The following PCDHGA6 variants were observed in gnomAD, a reference collection of about 807,000 sequenced individuals.
PCDHGA6 encodes the protein protocadherin gamma-A6.
Under a neutral mutation model 60.6 loss-of-function variants are expected in PCDHGA6, and 41 were observed. The observed-to-expected ratio is 0.68, with a 90% CI of 0.53 to 0.88. The LOEUF (loss-of-function observed/expected upper bound fraction) is 0.88, where lower values mean the gene tolerates loss of function less well. PCDHGA6 is among the 40% of genes least tolerant of loss of function. The pLI, the probability that PCDHGA6 is intolerant of heterozygous loss-of-function variation, is 0.00. For missense variants in PCDHGA6, 1,312 were observed against 1,203.0 expected, an observed-to-expected ratio of 1.09 and a Z score of -1.34; for synonymous variants, 594 against 524.4, an observed-to-expected ratio of 1.13 and a Z score of -1.81.
At position 141,418,250 on chromosome 5, in the gene PCDHGA6, C is replaced by T. The variant is rs375149538; in HGVS notation, c.2424+41743C>T. ...GATTGAGGATGTTAATGACCACGCC[C>T]CTCAATTCCGGAAAGATGAAATAAA... On this transcript the variant is annotated intron_variant, in intron 1 of 3. Transcript: ENST00000517434. The T allele has an allele frequency of 2.5e-5, 40 of 1,613,876 alleles. No individual in the cohort carries two copies. The African/African-American group carries it at 3.6e-4, about 15-fold the overall frequency.
chr5:141,418,589 C>T (rs184213052), intron 1 of PCDHGA6: 13 of 1,613,896 alleles, frequency 8.1e-6, no homozygotes, highest in African/African-American at 6.7e-5. Flanking sequence ...AGTGTTCAGC[C>T]AGGACGTGTA....
At chr5:141,381,029 T>C (rs976718384) in intron 1 of PCDHGA6, among the ~76,000 whole-genome samples, 4 of 152,266 alleles carry the variant, frequency 2.6e-5, no homozygotes, top group Admixed American at 6.5e-5. Context: ...TTAGTTCCTT[T>C]AAACAAAATT....
intron 1 of PCDHGA6, chr5:141,430,840 A>G: frequency 6.4e-7 from 1 of 1,565,876 alleles, no homozygotes; most frequent in East Asian, 2.2e-5. Flanking sequence ...GGGAGACCGG[A>G]TGCACCCAGA....
Position 141,476,512 on chromosome 5 carries a change from T to C in PCDHGA6, c.2425-18295T>C, listed in dbSNP as rs1171240377. ...TGATCCAGGACATCAACGACAACAA[T>C]CCTGCTTTCCCTACCCAGGAAATGA... On this transcript the variant is annotated intron_variant, in intron 1 of 3. Transcript: ENST00000517434. This position sits in a 1 kb window ranked among gnomAD's most constrained non-coding sequence, Gnocchi z 7.6. The C allele has an allele frequency of 6.2e-7, 1 of 1,613,642 alleles. No homozygotes were observed. Among genetic ancestry groups the C allele is most frequent in the Non-Finnish European group, 8.5e-7 (1 of 1,179,940 alleles).
intron 1 of PCDHGA6, chr5:141,418,103 G>A: frequency 1.2e-6 from 2 of 1,614,076 alleles, no homozygotes; most frequent in African/African-American, 1.3e-5. Flanking sequence ...CGCGCAGAGC[G>A]GGGACTTACT....
At chr5:141,484,399 CCGCTGTGTCT>C (rs1488164183) in intron 1 of PCDHGA6, among the ~76,000 whole-genome samples, 4 of 152,186 alleles carry the variant, frequency 2.6e-5, no homozygotes, top group Non-Finnish European at 4.4e-5. Context: ...GGTTTGGTTT[CCGCTGTGTCT>C]CCTGTTACAA....
intron 1 of PCDHGA6, among the ~76,000 whole-genome samples, chr5:141,448,086 TAA>T (rs558292628): frequency 6.8e-6 from 1 of 146,354 alleles, no homozygotes; most frequent in Middle Eastern, 3.2e-3. Flanking sequence ...AATGCCATCT[TAA>T]AAAAAAAAAA....
chr5:141,394,208 C>A (rs972602841), intron 1 of PCDHGA6: 6 of 1,613,930 alleles, frequency 3.7e-6, no homozygotes, highest in Non-Finnish European at 5.1e-6. Context: ...TAGAGAACAA[C>A]CTGAGAGGAG....
intron 1 of PCDHGA6, chr5:141,383,530 G>A: frequency 6.2e-7 from 1 of 1,612,674 alleles, no homozygotes; most frequent in Non-Finnish European, 8.5e-7. Flanking sequence ...TCACCACCTG[G>A]TCCTCACAGC....
At chr5:141,403,686 G>T in intron 1 of PCDHGA6, 1 of 1,613,824 alleles carries the variant, frequency 6.2e-7, no homozygotes, top group Non-Finnish European at 8.5e-7. Context: ...TTTGCTCAAC[G>T]GATTTACCGA....
intron 1 of PCDHGA6, chr5:141,410,748 C>T (rs569108587): frequency 8.8e-6 from 11 of 1,245,288 alleles, no homozygotes; most frequent in Admixed American, 5.8e-5. Flanking sequence ...AATATTTTCT[C>T]AATGTTTTTT....
At chr5:141,407,956 A>G (rs2095008608) in intron 1 of PCDHGA6, 1 of 645,868 alleles carries the variant, frequency 1.5e-6, no homozygotes, top group African/African-American at 1.8e-5. Flanking sequence ...CGGCCAGTGC[A>G]GAGCAAGCGC....
In PCDHGA6 at chr5:141,378,437, C is replaced by T. The variant is rs146402003; in HGVS notation, c.2424+1930C>T. ...ACTCGGGAGGCTGAGGCAGGAGAAT[C>T]GCTTGAACCCATGAGGCAGAGGTTG... On this transcript the variant is annotated intron_variant, in intron 1 of 3. Transcript: ENST00000517434. 592 of 152,418 alleles carry T rather than the reference C, an allele frequency of 3.9e-3. 6 individuals are homozygous for T. The highest frequency in any genetic ancestry group is 0.011 in the Admixed American group (171 of 15,310). The allele number at this position is 152,418 out of a possible 1,614,324, so 9.4% of individuals were successfully genotyped here.
Position 141,374,176 on chromosome 5 carries a change from C to A in PCDHGA6, c.93C>A (p.Ile31=). 6.2e-7 allele frequency: 1 copy of A among 1,613,572 alleles called. No individual in the cohort carries two copies. ...GTLWGAAAAQ[I]RYSIPEELEK... ...TGTGGGGGGCCGCGGCAGCGCAGAT[C>A]CGCTACTCTATTCCCGAGGAGCTGG... The change falls in exon 1 of 4, where the codon ATC becomes ATA. Residue 31 remains isoleucine, a synonymous_variant. Transcript: ENST00000517434.
Position 141,424,165 on chromosome 5 carries a change from A to G in PCDHGA6, c.2424+47658A>G, listed in dbSNP as rs1328883463. 2.8e-5 allele frequency: 7 copies of G among 251,918 alleles called. No individual in the cohort carries two copies. The South Asian group carries it at 4.6e-4, about 17-fold the overall frequency. The allele number at this position is 251,918 out of a possible 1,614,324, so 15.6% of individuals were successfully genotyped here. On this transcript the variant is annotated intron_variant, in intron 1 of 3. Transcript: ENST00000517434. Reference sequence around the variant, plus strand: ...CTCCCTCTAGCTCTCCTTCTCATCTATCTATCTATACACATGCACACACAC... The same window carrying G: ...CTCCCTCTAGCTCTCCTTCTCATCTGTCTATCTATACACATGCACACACAC...
In PCDHGA6 at chr5:141,432,498, G is replaced by A. The variant is rs766191511; in HGVS notation, c.2424+55991G>A. Reference sequence around the variant, plus strand: ...TCCACTGGCGTGGAGCTGGCTCCCCGCTCCGCAGAGCCCGGCTACCTGGTG... The same window carrying A: ...TCCACTGGCGTGGAGCTGGCTCCCCACTCCGCAGAGCCCGGCTACCTGGTG... On this transcript the variant is annotated intron_variant, in intron 1 of 3. Coordinates refer to ENST00000517434, the MANE Select transcript of PCDHGA6 (RefSeq NM_018919.3). This position sits in a 1 kb window ranked among gnomAD's most constrained non-coding sequence, Gnocchi z 6.0. The A allele has an allele frequency of 1.9e-6, 3 of 1,614,106 alleles. No homozygotes were observed. The highest frequency in any genetic ancestry group is 2.5e-6 in the Non-Finnish European group (3 of 1,180,052).
chr5:141,415,740 GTTTTTTTTTTTTTTT>G (rs57426385), intron 1 of PCDHGA6: 171 of 625,014 alleles, frequency 2.7e-4, no homozygotes, highest in East Asian at 8.8e-4. Flanking sequence ...GTTTATTAAG[GTTTTTTTTTTTTTTT>G]TTTTTTTTTT....
chr5:141,446,988 C>T (rs548721486), intron 1 of PCDHGA6, among the ~76,000 whole-genome samples: 1 of 152,154 alleles, frequency 6.6e-6, no homozygotes, highest in Non-Finnish European at 1.5e-5. Flanking sequence ...TCATACTCCA[C>T]TCTTCAGACT....
Position 141,432,632 on chromosome 5 carries a change from G to T in PCDHGA6, c.2424+56125G>T. ...CTTCTCGGTGGGTCTGCACACGGGCGAGGTGCGCACGGCGCGAGCCCTGCT... is the reference window on the plus strand; with the variant it reads ...CTTCTCGGTGGGTCTGCACACGGGCTAGGTGCGCACGGCGCGAGCCCTGCT... On this transcript the variant is annotated intron_variant, in intron 1 of 3. Transcript: ENST00000517434. This position sits in a 1 kb window ranked among gnomAD's most constrained non-coding sequence, Gnocchi z 6.0. The T allele has an allele frequency of 6.2e-7, 1 of 1,612,834 alleles. No homozygotes were observed. Among genetic ancestry groups the T allele is most frequent in the South Asian group, 1.1e-5 (1 of 90,976 alleles).
Sources: allele counts gnomAD v4.1 joint callset (sites outside exome capture counted in the v4.1 genomes callset), GRCh38; gene constraint gnomAD v4.1.1; non-coding constraint Gnocchi (gnomAD v3.1); transcripts MANE v1.5; gene names NCBI Gene and HGNC (gene_info 2026-07-23, HGNC 2026-07-21).